NECAP1: variants seen among roughly 807,000 people sequenced by gnomAD.
NECAP1 encodes adaptin ear-binding coat-associated protein 1.
In NECAP1, 13 loss-of-function variants were observed where a neutral mutation model predicts 33.4. That is an observed-to-expected ratio of 0.39 (90% CI 0.25 to 0.62). NECAP1 has a LOEUF of 0.62. Ranked by LOEUF, NECAP1 falls within the 20% of genes least tolerant of loss-of-function variation. The pLI is 0.52. For missense variants in NECAP1, 272 were observed against 347.4 expected, an observed-to-expected ratio of 0.78 and a Z score of 1.73; for synonymous variants, 109 against 125.2, an observed-to-expected ratio of 0.87 and a Z score of 0.86.
intron 1 of NECAP1, among the ~76,000 whole-genome samples, chr12:8,083,572 C>T (rs973343036): frequency 2.0e-5 from 3 of 151,282 alleles, no homozygotes; most frequent in South Asian, 2.1e-4. Flanking sequence ...TGGGATTACA[C>T]GCATGCACCA....
intron 3 of NECAP1, 57 bp from the exon 4 acceptor site, chr12:8,091,712 T>C (rs768139351): frequency 1.3e-6 from 2 of 1,515,052 alleles, no homozygotes; most frequent in Non-Finnish European, 1.8e-6. Flanking sequence ...TGCCGGGGGT[T>C]GGGGGCTCCT....
chr12:8,096,319 G>A lies in NECAP1; in HGVS notation c.*229G>A. 2.1e-6 allele frequency: 1 copy of A among 465,926 alleles called. No individual in the cohort carries two copies. The highest frequency in any genetic ancestry group is 3.2e-5 in the East Asian group (1 of 30,910). The allele number at this position is 465,926 out of a possible 1,614,324, so 28.9% of individuals were successfully genotyped here. A position where few individuals can be genotyped will look rare whatever the true frequency, so the allele number is the denominator to read the frequency against. Reference sequence around the variant, plus strand: ...TCTCCTGCGTAGTACCAAGGTAGGGGACTAGTGGATCTTATCATAGTTTTG... The same window carrying A: ...TCTCCTGCGTAGTACCAAGGTAGGGAACTAGTGGATCTTATCATAGTTTTG... On this transcript the variant is annotated 3_prime_UTR_variant, in exon 8 of 8. Transcript: ENST00000339754.
Position 8,091,864 on chromosome 12 carries a change from G to A in NECAP1, c.383+14G>A. On this transcript the variant is annotated intron_variant, in intron 4 of 7. Transcript: ENST00000339754. The stretch of plus-strand genomic sequence containing the variant: ...GGATCACTTCAAGTGAGTGAAGCTT[G>A]TCCTTAGTTACGAGGCTGAATGCTT... 6.2e-7 allele frequency: 1 copy of A among 1,608,596 alleles called. No individual in the cohort carries two copies. The highest frequency in any genetic ancestry group is 1.1e-5 in the South Asian group (1 of 90,160).
At chr12:8,086,218 A>G (rs970352236) in intron 1 of NECAP1, among the ~76,000 whole-genome samples, 2 of 152,222 alleles carry the variant, frequency 1.3e-5, no homozygotes, top group Non-Finnish European at 2.9e-5. Context: ...TGGTAAGATT[A>G]GAGAGAATAA....
rs372862623 is a variant in NECAP1 at position 8,093,282 on chromosome 12, CT to C, written c.676+229del. On this transcript the variant is annotated intron_variant, in intron 6 of 7. Transcript: ENST00000339754. ...ATTTGCTTATTAAAATGACAATTTC[CT>C]TCATTTTTTTCTTGGTTAGATGCTT... The C allele has an allele frequency of 1.1e-3, 539 of 510,764 alleles. 4 individuals carry two copies. Among genetic ancestry groups the C allele is most frequent in the African/African-American group, 9.9e-3 (489 of 49,394 alleles). 31.6% of individuals were successfully genotyped at this position (510,764 alleles called of 1,614,324 possible). A position where few individuals can be genotyped will look rare whatever the true frequency, so the allele number is the denominator to read the frequency against.
chr12:8,090,482 G>A (rs1340642112), intron 3 of NECAP1, 183 bp downstream of exon 3: 4 of 578,088 alleles, frequency 6.9e-6, no homozygotes, highest in Admixed American at 3.0e-5. Flanking sequence ...AGATAAGCAC[G>A]AGTTCAAGAT....
Position 8,092,972 on chromosome 12 carries a change from C to G in NECAP1, c.593C>G (p.Pro198Arg). ...PPPPGGKVTI[P>R]PPSSSVAISN... ...CCGCCAGGAGGCAAAGTCACTATTC[C>G]CCCACCATCCTCCTCAGTTGCCATC... Residue 198 changes from proline to arginine, a missense_variant, in exon 6 of 8, where the codon CCC becomes CGC. Coordinates refer to ENST00000339754, the MANE Select transcript of NECAP1 (RefSeq NM_015509.4). The G allele has an allele frequency of 6.2e-7, 1 of 1,611,814 alleles. No individual in the cohort carries two copies. Among genetic ancestry groups the G allele is most frequent in the Non-Finnish European group, 8.5e-7 (1 of 1,179,008 alleles).
intron 6 of NECAP1, among the ~76,000 whole-genome samples, chr12:8,094,147 AG>A (rs966778664): frequency 6.6e-6 from 1 of 152,154 alleles, no homozygotes; most frequent in African/African-American, 2.4e-5. Flanking sequence ...GGAATTTTTG[AG>A]GTGAAAATAT....
intron 7 of NECAP1, 166 bp from the exon 8 acceptor site, chr12:8,095,876 G>A: frequency 2.7e-6 from 3 of 1,097,676 alleles, no homozygotes; most frequent in Non-Finnish European, 3.9e-6. Context: ...CAAAAAAGCT[G>A]TAGGATGAGG....
rs1947594414 is a variant in NECAP1, at chr12:8,096,339, G to C, written c.*249G>C. On this transcript the variant is annotated 3_prime_UTR_variant, in exon 8 of 8. Transcript: ENST00000339754. ...TAGGGGACTAGTGGATCTTATCATAGTTTTGGCTGACTATGCAGGGCTTAA... is the reference window on the plus strand; with the variant it reads ...TAGGGGACTAGTGGATCTTATCATACTTTTGGCTGACTATGCAGGGCTTAA... The C allele has an allele frequency of 4.7e-6, 2 of 424,662 alleles. No individual in the cohort carries two copies. The highest frequency in any genetic ancestry group is 8.5e-6 in the Non-Finnish European group (2 of 235,970). The allele number at this position is 424,662 out of a possible 1,614,324, so 26.3% of individuals were successfully genotyped here.
At chr12:8,095,865 A>T in intron 7 of NECAP1, 162 bp downstream of exon 7, 1 of 1,074,654 alleles carries the variant, frequency 9.3e-7, no homozygotes, top group Non-Finnish European at 1.3e-6. Context: ...GAATGGGGGG[A>T]CAAAAAAGCT....
At chr12:8,094,745 T>G (rs1008040330) in intron 6 of NECAP1, 1 of 152,322 alleles carries the variant, frequency 6.6e-6, no homozygotes, top group African/African-American at 2.4e-5. Flanking sequence ...GGATTACAGG[T>G]GTGAGCCACT....
In NECAP1 at chr12:8,082,294, G is replaced by C; in HGVS notation, c.6G>C (p.Ala2=). The change falls in exon 1 of 8, where the codon GCG becomes GCC. Residue 2 remains alanine (A), a synonymous_variant. Coordinates refer to ENST00000339754, the MANE Select transcript of NECAP1 (RefSeq NM_015509.4). M[A]TELEYESVLC... is the part of the protein sequence containing the mutation. ...GCGCCGACAGCGGACCCAAGATGGC[G>C]ACCGAGTTGGAGTACGAGTCTGTGC... is the stretch of plus-strand genomic sequence containing the variant. 6.3e-7 allele frequency: 1 copy of C among 1,593,060 alleles called. No individual in the cohort carries two copies. The highest frequency in any genetic ancestry group is 2.3e-5 in the East Asian group (1 of 44,274).
At position 8,082,382 on chromosome 12, in the gene NECAP1, A is replaced by C; in HGVS notation, c.94A>C (p.Arg32=). 6.2e-7 allele frequency: 1 copy of C among 1,613,522 alleles called. No homozygotes were observed. Among genetic ancestry groups the C allele is most frequent in the African/African-American group, 1.3e-5 (1 of 75,008 alleles). The change falls in exon 1 of 8, where the codon AGG becomes CGG. Residue 32 remains arginine, a splice_region_variant and synonymous_variant. Coordinates refer to ENST00000339754, the MANE Select transcript of NECAP1 (RefSeq NM_015509.4). ...GCCCCGGGCCTCCAACCGCGGTTACAGGTACTAACCCCGAGGCGCTGCCGC... is the reference window on the plus strand; with the variant it reads ...GCCCCGGGCCTCCAACCGCGGTTACCGGTACTAACCCCGAGGCGCTGCCGC... The part of the protein sequence containing the change: ...IPPRASNRGY[R]ASDWKLDQPD...
At chr12:8,090,725 T>C (rs769239439) in intron 3 of NECAP1, 3 of 160,064 alleles carry the variant, frequency 1.9e-5, no homozygotes, top group African/African-American at 7.2e-5. Flanking sequence ...GGAGAATCAC[T>C]TGAATTGGGG....
At chr12:8,085,114 G>A (rs1347496205) in intron 1 of NECAP1, among the ~76,000 whole-genome samples, 1 of 151,800 alleles carries the variant, frequency 6.6e-6, no homozygotes, top group Non-Finnish European at 1.5e-5. Flanking sequence ...CCGCCTCCCC[G>A]GTTCAAGTGA....
chr12:8,082,469 C>A, intron 1 of NECAP1, 86 bp downstream of exon 1: 1 of 1,220,602 alleles, frequency 8.2e-7, no homozygotes, highest in Non-Finnish European at 1.2e-6. Flanking sequence ...CCGTCCCTGC[C>A]ACTACTACCT....
intron 6 of NECAP1, chr12:8,093,371 G>T: frequency 3.3e-6 from 1 of 304,548 alleles, no homozygotes; most frequent in South Asian, 5.0e-5. Flanking sequence ...ATATTTGAAT[G>T]TGCTTGGTAA....
intron 1 of NECAP1, among the ~76,000 whole-genome samples, chr12:8,086,716 T>C (rs987952865): frequency 6.7e-6 from 1 of 149,986 alleles, no homozygotes; most frequent in African/African-American, 2.5e-5. Context: ...CGGGCGGATT[T>C]CCTGAAGTCA....
Sources: allele counts gnomAD v4.1 joint callset (sites outside exome capture counted in the v4.1 genomes callset), GRCh38; gene constraint gnomAD v4.1.1; transcripts MANE v1.5; gene names NCBI Gene and HGNC (gene_info 2026-07-23, HGNC 2026-07-21).